Variants in NF1 observed in about 807,000 individuals in gnomAD.
NF1 encodes neurofibromin.
A neutral mutation model predicts 325.7 loss-of-function variants in NF1; 122 were observed. That is an observed-to-expected ratio of 0.37 (90% confidence interval 0.32 to 0.44). The LOEUF (loss-of-function observed/expected upper bound fraction) is 0.44, where lower values mean the gene tolerates loss of function less well. NF1 is among the 20% of genes least tolerant of loss of function. The probability of loss-of-function intolerance (pLI) is 1.00; values close to 1 mark genes in which losing one functional copy is unlikely to be tolerated. For synonymous variants in NF1, 1,091 were observed against 1,186.0 expected, an observed-to-expected ratio of 0.92 and a Z score of 1.65; for missense variants, 2,140 against 3,415.4, an observed-to-expected ratio of 0.63 and a Z score of 9.31.
At position 31,342,955 on chromosome 17, in the gene NF1, TAAAG is replaced by T. The variant is rs1381152098; in HGVS notation, c.7063-49_7063-46del. The T allele has an allele frequency of 8.7e-6, 14 of 1,609,270 alleles. No individual in the cohort carries two copies. In the Admixed American group the frequency reaches 1.8e-4, roughly 21 times the overall value. On this transcript the variant is annotated intron_variant, in intron 47 of 57. Transcript: ENST00000358273. ...TTGAACACAAAATTAAGTGAGCCTT[TAAAG>T]AAAGCTACTGTGTGAACCTCATCAA...
At chr17:31,157,168 T>A (rs2065678780) in intron 2 of NF1, among the ~76,000 whole-genome samples, 1 of 152,144 alleles carries the variant, frequency 6.6e-6, no homozygotes. Context: ...TTTGTATTTT[T>A]AGTAGAGACG....
intron 36 of NF1, among the ~76,000 whole-genome samples, chr17:31,282,520 C>G (rs2151486734): frequency 6.6e-6 from 1 of 152,092 alleles, no homozygotes; most frequent in Middle Eastern, 3.4e-3. Flanking sequence ...TTCCTCCTGC[C>G]CCCCCTCAGC....
intron 1 of NF1, chr17:31,133,392 T>C (rs1915533360): frequency 6.6e-6 from 1 of 152,218 alleles, no homozygotes; most frequent in Admixed American, 6.5e-5. Context: ...ATTCAGGACA[T>C]TTGGGTTACT....
At chr17:31,199,317 T>G (rs999388683) in intron 8 of NF1, among the ~76,000 whole-genome samples, 1 of 152,220 alleles carries the variant, frequency 6.6e-6, no homozygotes, top group Non-Finnish European at 1.5e-5. Flanking sequence ...CTAATTTCCT[T>G]TGTGATTTTT....
intron 15 of NF1, chr17:31,222,475 G>A: frequency 9.7e-7 from 1 of 1,031,186 alleles, no homozygotes; most frequent in Non-Finnish European, 1.2e-6. Context: ...ATGTAAATGT[G>A]TAAACCTCAA....
At chr17:31,323,363 G>A (rs2069262279) in intron 36 of NF1, among the ~76,000 whole-genome samples, 1 of 151,770 alleles carries the variant, frequency 6.6e-6, no homozygotes, top group African/African-American at 2.4e-5. Flanking sequence ...ACAGTGAGCT[G>A]TGACCGTGCC....
chr17:31,299,786 C>T (rs2068537374), intron 36 of NF1, among the ~76,000 whole-genome samples: 2 of 151,974 alleles, frequency 1.3e-5, no homozygotes, highest in South Asian at 4.1e-4. Context: ...GTTTCTTTGC[C>T]CACCTCCCTA....
intron 1 of NF1, among the ~76,000 whole-genome samples, chr17:31,122,600 TGC>T: frequency 6.6e-6 from 1 of 152,252 alleles, no homozygotes; most frequent in Non-Finnish European, 1.5e-5. Context: ...TAATTGCATC[TGC>T]TTTGTCTTCT....
chr17:31,283,356 G>A (rs1165982398), intron 36 of NF1, among the ~76,000 whole-genome samples: 3 of 151,846 alleles, frequency 2.0e-5, no homozygotes, highest in East Asian at 1.9e-4. Context: ...GGCGGAGCTT[G>A]CAGTGAGCTG....
chr17:31,315,352 A>G (rs1371337522), intron 36 of NF1, among the ~76,000 whole-genome samples: 1 of 152,222 alleles, frequency 6.6e-6, no homozygotes, highest in Non-Finnish European at 1.5e-5. Context: ...ATAGCACAAC[A>G]GAGTGACTGT....
intron 38 of NF1, 110 bp downstream of exon 38, chr17:31,327,949 G>T (rs2069390027): frequency 1.9e-6 from 2 of 1,077,024 alleles, no homozygotes; most frequent in Non-Finnish European, 1.4e-6. Context: ...AAATTGGAAG[G>T]TATGCAGTGT....
At chr17:31,230,759 A>G (rs959102940) in intron 23 of NF1, 83 bp from the exon 24 acceptor site, 21 of 1,059,994 alleles carry the variant, frequency 2.0e-5, no homozygotes, top group Non-Finnish European at 5.7e-6. Context: ...TATTTGCACT[A>G]TAAGAAATCT....
rs2070270087 is a variant in NF1 at position 31,356,341 on chromosome 17, T to G, written c.7616-119T>G. ...ACTGCTCCAGGGATGTATTAGAGCTTTCTTTGAGTCCTCAGTGAAAGCTTA... is the reference window on the plus strand; with the variant it reads ...ACTGCTCCAGGGATGTATTAGAGCTGTCTTTGAGTCCTCAGTGAAAGCTTA... On this transcript the variant is annotated intron_variant, in intron 51 of 57. Transcript: ENST00000358273. 3 of 1,023,758 alleles carry G rather than the reference T, an allele frequency of 2.9e-6. No individual in the cohort carries two copies. The South Asian group carries it at 4.0e-5, about 14-fold the overall frequency. 63.4% of individuals were successfully genotyped at this position (1,023,758 alleles called of 1,614,324 possible).
chr17:31,265,835 C>T (rs778797163), intron 36 of NF1, among the ~76,000 whole-genome samples: 46 of 152,074 alleles, frequency 3.0e-4, no homozygotes, highest in Non-Finnish European at 3.1e-4. Flanking sequence ...GCCTGGAAAA[C>T]GGTGCTTGTT....
chr17:31,342,217 C>T (rs1347070723), intron 47 of NF1, among the ~76,000 whole-genome samples: 1 of 152,090 alleles, frequency 6.6e-6, no homozygotes, highest in East Asian at 1.9e-4. Flanking sequence ...ACCCCTCTGT[C>T]CTAATTCTCA....
rs1199845093 is a variant in NF1 at position 31,318,031 on chromosome 17, A to G, written c.4836-7789A>G. 6 of 397,358 alleles carry G rather than the reference A, an allele frequency of 1.5e-5. No homozygotes were observed. In the East Asian group the frequency reaches 1.8e-4, roughly 12 times the overall value. The allele number at this position is 397,358 out of a possible 1,614,324, so 24.6% of individuals were successfully genotyped here. A position where few individuals can be genotyped will look rare whatever the true frequency, so the allele number is the denominator to read the frequency against. ...TATTTAATTATCCCTTGCTATCTCTATTAATCAGTTTCCTCAATTTATCCT... is the reference window on the plus strand; with the variant it reads ...TATTTAATTATCCCTTGCTATCTCTGTTAATCAGTTTCCTCAATTTATCCT... On this transcript the variant is annotated intron_variant, in intron 36 of 57. Transcript: ENST00000358273.
intron 12 of NF1, among the ~76,000 whole-genome samples, chr17:31,208,623 G>C (rs2066665955): frequency 6.6e-6 from 1 of 152,194 alleles, no homozygotes; most frequent in Admixed American, 6.5e-5. Flanking sequence ...GGACACGGTG[G>C]CTAACGTCTG....
At chr17:31,095,569 T>C in intron 1 of NF1, 200 bp downstream of exon 1, 1 of 554,538 alleles carries the variant, frequency 1.8e-6, no homozygotes, top group Non-Finnish European at 3.2e-6. Context: ...AGCTGGGAGC[T>C]TGGGCACCCT....
In NF1 at chr17:31,214,439, T is replaced by C. The variant is rs1396610590; in HGVS notation, c.1393-12T>C. ...TCTTATGTCTGATACCATGTTTTTG[T>C]TTTGTTTTTAGAGTCTTACATTTAA... On this transcript the variant is annotated splice_polypyrimidine_tract_variant and intron_variant, in intron 12 of 57. Transcript: ENST00000358273. 5 of 1,581,484 alleles carry C rather than the reference T, an allele frequency of 3.2e-6. No individual in the cohort carries two copies. The highest frequency in any genetic ancestry group is 4.3e-6 in the Non-Finnish European group (5 of 1,153,072).
Sources: allele counts gnomAD v4.1 joint callset (sites outside exome capture counted in the v4.1 genomes callset), GRCh38; gene constraint gnomAD v4.1.1; transcripts MANE v1.5; gene names NCBI Gene and HGNC (gene_info 2026-07-23, HGNC 2026-07-21).